The following FBXL17 variants were observed in gnomAD, a reference collection of about 807,000 sequenced individuals.
FBXL17 encodes F-box and leucine rich repeat protein 17, also known as F-box/LRR-repeat protein 17.
In FBXL17, 22 loss-of-function variants were observed where a neutral mutation model predicts 66.2. The ratio of observed to expected loss-of-function variants is 0.33; its 90% CI spans 0.24 to 0.47. The LOEUF (loss-of-function observed/expected upper bound fraction) is 0.47, where lower values mean the gene tolerates loss of function less well. Ranked by LOEUF, FBXL17 falls within the 20% of genes least tolerant of loss-of-function variation. The probability of loss-of-function intolerance (pLI) is 1.00; values close to 1 mark genes in which losing one functional copy is unlikely to be tolerated. For synonymous variants in FBXL17, 474 were observed against 400.5 expected (o/e 1.18, Z -2.19); for missense variants, 878 against 948.2 (o/e 0.93, Z 0.97).
chr5:108,314,540 G>T (rs1759269575), intron 4 of FBXL17, among the ~76,000 whole-genome samples: 1 of 151,276 alleles, frequency 6.6e-6, no homozygotes, highest in Non-Finnish European at 1.5e-5. Context: ...TCTAAATTTT[G>T]TATTTAGCCT....
chr5:108,297,105 C>A (rs1758379319), intron 4 of FBXL17, among the ~76,000 whole-genome samples: 1 of 151,374 alleles, frequency 6.6e-6, no homozygotes, highest in African/African-American at 2.4e-5. Flanking sequence ...CCACTTAAAG[C>A]AAATAATCAT....
intron 7 of FBXL17, among the ~76,000 whole-genome samples, chr5:107,920,617 T>A (rs1451071516): frequency 2.0e-5 from 3 of 152,170 alleles, no homozygotes; most frequent in Non-Finnish European, 4.4e-5. Flanking sequence ...TGAAGAGATG[T>A]CTGTAATATG....
chr5:108,031,463 G>C (rs1042713528), intron 6 of FBXL17, among the ~76,000 whole-genome samples: 3 of 151,954 alleles, frequency 2.0e-5, no homozygotes, highest in Admixed American at 6.6e-5. Context: ...CAAAGAAAGA[G>C]GGAAGCATGG....
At chr5:107,898,380 C>G (rs1251463477) in intron 7 of FBXL17, among the ~76,000 whole-genome samples, 1 of 152,094 alleles carries the variant, frequency 6.6e-6, no homozygotes, top group African/African-American at 2.4e-5. Flanking sequence ...GACAGAAAGA[C>G]CAGCCCCTCC....
chr5:108,295,941 C>A, intron 4 of FBXL17, among the ~76,000 whole-genome samples: 1 of 135,880 alleles, frequency 7.4e-6, no homozygotes. Flanking sequence ...GCCAAGTGTT[C>A]TAGTAGGAAA....
At chr5:108,226,270 T>C (rs1755096149) in intron 4 of FBXL17, among the ~76,000 whole-genome samples, 1 of 152,202 alleles carries the variant, frequency 6.6e-6, no homozygotes, top group African/African-American at 2.4e-5. Context: ...GAAAACCACT[T>C]AGTTCCCCAT....
intron 6 of FBXL17, among the ~76,000 whole-genome samples, chr5:108,165,389 T>C (rs1456807868): frequency 6.6e-6 from 1 of 152,196 alleles, no homozygotes; most frequent in South Asian, 2.1e-4. Context: ...TCTTTTCTTT[T>C]AAAAAATATT....
intron 6 of FBXL17, among the ~76,000 whole-genome samples, chr5:108,072,818 T>C (rs1580404276): frequency 6.6e-6 from 1 of 152,212 alleles, no homozygotes; most frequent in Non-Finnish European, 1.5e-5. Flanking sequence ...CCATTTCAGA[T>C]GCCTAAAAGA....
chr5:107,897,173 C>T (rs1167021372), intron 7 of FBXL17, among the ~76,000 whole-genome samples: 2 of 151,908 alleles, frequency 1.3e-5, no homozygotes, highest in Non-Finnish European at 2.9e-5. Flanking sequence ...AAAATCATAC[C>T]AGAGAAAGGA....
intron 6 of FBXL17, among the ~76,000 whole-genome samples, chr5:108,102,818 G>A (rs1357819562): frequency 6.6e-6 from 1 of 151,870 alleles, no homozygotes; most frequent in East Asian, 1.9e-4. Flanking sequence ...AAGAATTCCT[G>A]GCAGAATAAA....
rs183842521 is a variant in FBXL17 at position 108,348,522 on chromosome 5, T to G, written c.1383A>C (p.Ser461=). The G allele has an allele frequency of 4.3e-6, 7 of 1,612,658 alleles. No homozygotes were observed. The highest frequency in any genetic ancestry group is 5.9e-6 in the Non-Finnish European group (7 of 1,179,042). Residue 461 remains serine, a synonymous_variant, in exon 4 of 9, where the codon TCA becomes TCC. Transcript: ENST00000542267. ...LTDEGLKQLG[S]KCRELKDIHF... ...GAATATCTTTGAGTTCTCTGCATTT[T>G]GAGCCCAGCTGTAAACAAACAGATT...
intron 7 of FBXL17, among the ~76,000 whole-genome samples, chr5:107,893,981 A>G (rs1011597550): frequency 2.0e-5 from 3 of 152,174 alleles, no homozygotes; most frequent in Admixed American, 6.6e-5. Flanking sequence ...CATAACATTA[A>G]CAGTTGTTAA....
intron 4 of FBXL17, among the ~76,000 whole-genome samples, chr5:108,332,700 TG>T (rs1299085538): frequency 6.6e-6 from 1 of 152,020 alleles, no homozygotes; most frequent in Admixed American, 6.6e-5. Flanking sequence ...CTCCACTTCC[TG>T]GGTTCAAGCA....
chr5:108,004,129 A>G (rs1409535318), intron 7 of FBXL17, among the ~76,000 whole-genome samples: 2 of 152,206 alleles, frequency 1.3e-5, no homozygotes, highest in Non-Finnish European at 2.9e-5. Context: ...TTTCAACATA[A>G]TGCAAGCCAG....
intron 7 of FBXL17, among the ~76,000 whole-genome samples, chr5:108,000,041 T>C (rs1753655939): frequency 6.6e-6 from 1 of 152,250 alleles, no homozygotes; most frequent in Non-Finnish European, 1.5e-5. Flanking sequence ...TGAGTTTTAC[T>C]TCTAGATGTA....
chr5:108,079,427 C>T (rs758924858), intron 6 of FBXL17, among the ~76,000 whole-genome samples: 11 of 151,906 alleles, frequency 7.2e-5, no homozygotes, highest in East Asian at 1.9e-4. Context: ...TTCCTGACTA[C>T]TGATTAAAAT....
intron 7 of FBXL17, among the ~76,000 whole-genome samples, chr5:107,972,452 A>G (rs914004669): frequency 6.6e-6 from 1 of 152,136 alleles, no homozygotes; most frequent in Non-Finnish European, 1.5e-5. Context: ...CATTCATTTT[A>G]AACATCTTCA....
chr5:108,195,382 G>C (rs1390092685), intron 5 of FBXL17, among the ~76,000 whole-genome samples: 1 of 152,048 alleles, frequency 6.6e-6, no homozygotes, highest in Non-Finnish European at 1.5e-5. Context: ...GCAAGAGTTA[G>C]GACAGTGCAA....
intron 6 of FBXL17, among the ~76,000 whole-genome samples, chr5:108,066,898 C>A (rs1303080668): frequency 6.6e-6 from 1 of 151,846 alleles, no homozygotes; most frequent in Non-Finnish European, 1.5e-5. Flanking sequence ...AAATTAAAGT[C>A]TTTGAATATT....
Sources: gnomAD v4.1 joint callset for allele counts (sites outside exome capture counted in the v4.1 genomes callset) on GRCh38, gnomAD v4.1.1 for gene constraint, MANE v1.5 for transcripts, NCBI Gene and HGNC (gene_info 2026-07-23, HGNC 2026-07-21) for gene names.